ICA1: variants seen among roughly 807,000 people sequenced by gnomAD.
ICA1 encodes 69 kDa islet cell autoantigen.
Under a neutral mutation model 71.0 loss-of-function variants are expected in ICA1, and 40 were observed. That is an observed-to-expected ratio of 0.56 (90% CI 0.44 to 0.73). The LOEUF is 0.73. ICA1 is among the 30% of genes least tolerant of loss of function. The pLI is 0.00. For synonymous variants in ICA1, 207 were observed against 209.5 expected (o/e 0.99, Z 0.10); for missense variants, 578 against 576.5 (o/e 1.00, Z -0.03).
chr7:8,191,102 C>A (rs552633488), intron 6 of ICA1, among the ~76,000 whole-genome samples: 2 of 152,278 alleles, frequency 1.3e-5, no homozygotes, highest in East Asian at 3.9e-4. Context: ...TCCATCGTTC[C>A]TGCCCTCCAC....
intron 6 of ICA1, among the ~76,000 whole-genome samples, chr7:8,175,454 T>C (rs1270253352): frequency 6.6e-6 from 1 of 152,210 alleles, no homozygotes; most frequent in Admixed American, 6.5e-5. Flanking sequence ...GCTGAATTTA[T>C]AGGAGTTTAA....
intron 6 of ICA1, among the ~76,000 whole-genome samples, chr7:8,197,039 C>G (rs1157948365): frequency 2.0e-5 from 3 of 151,890 alleles, no homozygotes; most frequent in East Asian, 1.9e-4. Flanking sequence ...AATTACCCAG[C>G]CTTGGGTATA....
intron 2 of ICA1, among the ~76,000 whole-genome samples, chr7:8,235,407 C>T (rs1472713028): frequency 6.6e-6 from 1 of 152,098 alleles, no homozygotes; most frequent in African/African-American, 2.4e-5. Flanking sequence ...AAATGGTTAC[C>T]ACATCTACTT....
intron 6 of ICA1, among the ~76,000 whole-genome samples, chr7:8,187,012 G>T (rs1299021085): frequency 6.6e-6 from 1 of 152,150 alleles, no homozygotes; most frequent in Non-Finnish European, 1.5e-5. Flanking sequence ...TCAGTTCTAA[G>T]AACTTGACAA....
chr7:8,166,414 A>G (rs775565759), intron 6 of ICA1, among the ~76,000 whole-genome samples: 8 of 152,186 alleles, frequency 5.3e-5, no homozygotes, highest in Non-Finnish European at 8.8e-5. Context: ...TATTCAATAA[A>G]TGGTGCTGGG....
chr7:8,244,622 A>G (rs565085220), intron 1 of ICA1, among the ~76,000 whole-genome samples: 58 of 152,334 alleles, frequency 3.8e-4, no homozygotes, highest in African/African-American at 1.3e-3. Context: ...TAAACAGGCA[A>G]CCTACACAAT....
chr7:8,165,085 A>G (rs1454330485), intron 6 of ICA1, among the ~76,000 whole-genome samples: 1 of 152,108 alleles, frequency 6.6e-6, no homozygotes, highest in Non-Finnish European at 1.5e-5. Context: ...TGTCTCAAAA[A>G]CAAACAAACA....
chr7:8,143,673 G>A (rs775691931), intron 9 of ICA1, among the ~76,000 whole-genome samples: 1 of 152,162 alleles, frequency 6.6e-6, no homozygotes, highest in South Asian at 2.1e-4. Context: ...CCTGGAAACC[G>A]ATCTCTTACT....
At chr7:8,147,560 A>G (rs549672720) in intron 8 of ICA1, among the ~76,000 whole-genome samples, 1 of 152,216 alleles carries the variant, frequency 6.6e-6, no homozygotes, top group South Asian at 2.1e-4. Context: ...TAAAAAAACT[A>G]GAGCTCCTTA....
At chr7:8,260,748 A>G (rs375787928) in intron 1 of ICA1, among the ~76,000 whole-genome samples, 1 of 152,246 alleles carries the variant, frequency 6.6e-6, no homozygotes, top group African/African-American at 2.4e-5. Flanking sequence ...ATCTAAAAAT[A>G]TATCTTTGGT....
intron 1 of ICA1, among the ~76,000 whole-genome samples, chr7:8,261,726 C>T (rs1233213221): frequency 7.0e-6 from 1 of 143,026 alleles, no homozygotes; most frequent in Admixed American, 6.9e-5. Context: ...GGGCCGGAGC[C>T]GCCGGGAAGG....
intron 1 of ICA1, among the ~76,000 whole-genome samples, chr7:8,254,920 A>C (rs992509578): frequency 5.3e-5 from 8 of 152,260 alleles, no homozygotes; most frequent in African/African-American, 1.9e-4. Flanking sequence ...GGTGACAGGC[A>C]GTCTCCCTCT....
intron 8 of ICA1, among the ~76,000 whole-genome samples, chr7:8,153,161 T>C (rs569178318): frequency 1.3e-5 from 2 of 152,356 alleles, no homozygotes; most frequent in African/African-American, 4.8e-5. Context: ...CTCCAGAGAT[T>C]GTGCTTTTAT....
chr7:8,147,534 G>A (rs757459055), intron 8 of ICA1, among the ~76,000 whole-genome samples: 2 of 152,098 alleles, frequency 1.3e-5, no homozygotes, highest in Non-Finnish European at 2.9e-5. Context: ...ATAAATGGAT[G>A]TACATAAGGT....
intron 12 of ICA1, among the ~76,000 whole-genome samples, chr7:8,137,995 T>G (rs1253723924): frequency 6.6e-6 from 1 of 152,196 alleles, no homozygotes; most frequent in African/African-American, 2.4e-5. Context: ...CAGGGCAGGC[T>G]GCATGCCAAC....
chr7:8,248,109 G>C (rs747183244), intron 1 of ICA1, among the ~76,000 whole-genome samples: 38 of 152,038 alleles, frequency 2.5e-4, no homozygotes, highest in African/African-American at 9.2e-4. Flanking sequence ...TCCTAAGCAC[G>C]TCATTTTACT....
chr7:8,127,006 ACT>A lies in ICA1; in HGVS notation c.1330+865_1330+866del, dbSNP rs555285158. Among the ~76,000 whole-genome samples, 34 of 147,206 alleles carry A rather than the reference ACT, an allele frequency of 2.3e-4. No individual in the cohort carries two copies. In the South Asian group the frequency reaches 6.5e-3, roughly 28 times the overall value. The stretch of plus-strand genomic sequence containing the variant: ...TTTTTTTTTTTTCAGACAGAGTCTC[ACT>A]CTGTTGCCCAGGCTAGAGTGCAGTG... On this transcript the variant is annotated intron_variant, in intron 13 of 13. Coordinates refer to ENST00000402384, the MANE Select transcript of ICA1 (RefSeq NM_001136020.3).
chr7:8,236,693 A>G (rs1365880903), intron 1 of ICA1: 2 of 152,294 alleles, frequency 1.3e-5, no homozygotes, highest in East Asian at 3.8e-4. Context: ...CTAGCCTTGT[A>G]TATTTATCTC....
intron 13 of ICA1, among the ~76,000 whole-genome samples, chr7:8,115,580 A>G (rs1410411385): frequency 6.6e-6 from 1 of 152,214 alleles, no homozygotes; most frequent in East Asian, 1.9e-4. Context: ...GACAATCCTC[A>G]CATTCCCCAG....
Sources: gnomAD v4.1 joint callset for allele counts (sites outside exome capture counted in the v4.1 genomes callset) on GRCh38, gnomAD v4.1.1 for gene constraint, MANE v1.5 for transcripts, NCBI Gene and HGNC (gene_info 2026-07-23, HGNC 2026-07-21) for gene names.